Variants in STMN2 observed in about 807,000 individuals in gnomAD.
STMN2 encodes the protein stathmin 2.
In STMN2, 2 loss-of-function variants were observed where a neutral mutation model predicts 24.1. The ratio of observed to expected loss-of-function variants is 0.08; its 90% CI spans 0.03 to 0.26. STMN2 has a LOEUF of 0.26. STMN2 is among the 10% of genes least tolerant of loss of function. The pLI, the probability that STMN2 is intolerant of heterozygous loss-of-function variation, is 1.00. For synonymous variants in STMN2, 83 were observed against 77.5 expected, an observed-to-expected ratio of 1.07 and a Z score of -0.37; for missense variants, 114 against 213.6, an observed-to-expected ratio of 0.53 and a Z score of 2.91.
chr8:79,640,559 G>C (rs1810073622), intron 2 of STMN2, among the ~76,000 whole-genome samples: 1 of 152,180 alleles, frequency 6.6e-6, no homozygotes, highest in African/African-American at 2.4e-5. Flanking sequence ...CCTGGCTCCA[G>C]CCGAGTACAC....
chr8:79,614,954 A>T (rs1433023640), intron 1 of STMN2, among the ~76,000 whole-genome samples: 1 of 152,234 alleles, frequency 6.6e-6, no homozygotes. Context: ...CTCAGTGATT[A>T]AAAAATGCTA....
chr8:79,642,808 T>C (rs1481315892), intron 3 of STMN2, among the ~76,000 whole-genome samples: 1 of 151,450 alleles, frequency 6.6e-6, no homozygotes, highest in African/African-American at 2.4e-5. Context: ...CCTCCTATGA[T>C]ATGTAATATG....
intron 3 of STMN2, among the ~76,000 whole-genome samples, chr8:79,646,202 T>C (rs1446709784): frequency 6.6e-6 from 1 of 152,164 alleles, no homozygotes; most frequent in East Asian, 1.9e-4. Context: ...ACTAAGGAAA[T>C]CCTAGTCTGG....
chr8:79,618,433 G>A lies in STMN2; in HGVS notation c.19+7219G>A, dbSNP rs1349754426. 3.9e-5 allele frequency among the ~76,000 whole-genome samples: 6 copies of A among 152,168 alleles called. No individual in the cohort carries two copies. In the East Asian group the frequency reaches 1.2e-3, roughly 29 times the overall value. On this transcript the variant is annotated intron_variant, in intron 1 of 4. Transcript: ENST00000220876. ...CATCATGGTTAGCACATTTCAAAAT[G>A]CCTCCTTAACTACTTCCATAGGCCA...
chr8:79,619,644 G>A (rs1029718403), intron 1 of STMN2, among the ~76,000 whole-genome samples: 2 of 152,024 alleles, frequency 1.3e-5, no homozygotes, highest in Non-Finnish European at 2.9e-5. Context: ...CAGCCTCCCT[G>A]GGAACTCTGC....
At chr8:79,639,256 T>A (rs547727786) in intron 2 of STMN2, among the ~76,000 whole-genome samples, 2 of 152,202 alleles carry the variant, frequency 1.3e-5, no homozygotes, top group Non-Finnish European at 2.9e-5. Context: ...GTGGTAAAGA[T>A]CTAGAAACAG....
At chr8:79,655,313 G>C (rs2130386473) in intron 4 of STMN2, among the ~76,000 whole-genome samples, 1 of 152,230 alleles carries the variant, frequency 6.6e-6, no homozygotes, top group South Asian at 2.1e-4. Context: ...CAGGGAGGCT[G>C]ATTCATGCTT....
intron 4 of STMN2, among the ~76,000 whole-genome samples, chr8:79,658,149 C>T (rs1369844666): frequency 2.0e-5 from 3 of 152,018 alleles, no homozygotes. Flanking sequence ...AATTAGCCAG[C>T]AGTGGTGGCA....
intron 1 of STMN2, among the ~76,000 whole-genome samples, chr8:79,620,623 C>T (rs1809492777): frequency 6.6e-6 from 1 of 152,094 alleles, no homozygotes; most frequent in Non-Finnish European, 1.5e-5. Flanking sequence ...CACAATTTCA[C>T]CATCTTAACA....
At chr8:79,618,468 A>G (rs1809434738) in intron 1 of STMN2, among the ~76,000 whole-genome samples, 1 of 152,236 alleles carries the variant, frequency 6.6e-6, no homozygotes, top group Non-Finnish European at 1.5e-5. Context: ...AGAGATATTT[A>G]GTTTTAACAT....
At position 79,654,919 on chromosome 8, in the gene STMN2, G is replaced by C; in HGVS notation, c.337G>C (p.Glu113Gln). Residue 113 changes from glutamate to glutamine, a missense_variant, in exon 4 of 5, where the codon GAG (glutamate) becomes CAG (glutamine). Transcript: ENST00000220876. ...ACAATTGGCAGAGAAGAGGGAACAC[G>C]AGCGAGAAGTCCTTCAGAAGGCTTT... ...LKQLAEKREH[E>Q]REVLQKALEE... 2 of 1,613,748 alleles carry C rather than the reference G, an allele frequency of 1.2e-6. No individual in the cohort carries two copies. The highest frequency in any genetic ancestry group is 8.5e-7 in the Non-Finnish European group (1 of 1,179,818).
intron 1 of STMN2, chr8:79,631,370 T>C: frequency 1.1e-6 from 1 of 915,254 alleles, no homozygotes; most frequent in South Asian, 5.1e-5. Flanking sequence ...AATGCTTTGG[T>C]TGGTCAAAAT....
rs767390093 is a variant in STMN2, at chr8:79,654,950, A to G, written c.368A>G (p.Glu123Gly). The change falls in exon 4 of 5, where the codon GAG becomes GGG. Residue 123 changes from glutamate (E) to glycine (G), a missense_variant. Glu to Gly is a moderately conservative substitution (Grantham distance 98). Coordinates refer to ENST00000220876, the MANE Select transcript of STMN2 (RefSeq NM_007029.4). ...GAAGTCCTTCAGAAGGCTTTGGAGG[A>G]GAACAACAACTTCAGCAAGATGGCG... ...EREVLQKALE[E>G]NNNFSKMAEE... 3.7e-6 allele frequency: 6 copies of G among 1,614,038 alleles called. No individual in the cohort carries two copies. Among genetic ancestry groups the G allele is most frequent in the Middle Eastern group, 3.3e-4 (2 of 6,062 alleles).
At chr8:79,652,144 G>T (rs529009752) in intron 3 of STMN2, among the ~76,000 whole-genome samples, 2 of 152,170 alleles carry the variant, frequency 1.3e-5, no homozygotes, top group Non-Finnish European at 2.9e-5. Context: ...GAATGTTGAA[G>T]TTTTACTTTG....
intron 1 of STMN2, among the ~76,000 whole-genome samples, chr8:79,629,265 A>C (rs1033664446): frequency 6.6e-6 from 1 of 152,150 alleles, no homozygotes; most frequent in African/African-American, 2.4e-5. Flanking sequence ...ATTTATATAC[A>C]GTATATTTTA....
chr8:79,647,673 A>C (rs747707092), intron 3 of STMN2, among the ~76,000 whole-genome samples: 1 of 152,232 alleles, frequency 6.6e-6, no homozygotes, highest in Non-Finnish European at 1.5e-5. Flanking sequence ...TTAGTGCTCC[A>C]GTGATTAGAT....
intron 3 of STMN2, among the ~76,000 whole-genome samples, chr8:79,643,988 T>G (rs551625960): frequency 6.6e-6 from 1 of 151,820 alleles, no homozygotes; most frequent in East Asian, 1.9e-4. Context: ...AATGGTAGAG[T>G]TTTAATTAAA....
chr8:79,629,396 C>T (rs1199594414), intron 1 of STMN2, among the ~76,000 whole-genome samples: 3 of 152,140 alleles, frequency 2.0e-5, no homozygotes, highest in Non-Finnish European at 2.9e-5. Flanking sequence ...GGAGGAAACT[C>T]TTAACTAACT....
chr8:79,648,922 C>T (rs72675024), intron 3 of STMN2, among the ~76,000 whole-genome samples: 8 of 152,188 alleles, frequency 5.3e-5, no homozygotes, highest in Non-Finnish European at 1.0e-4. Flanking sequence ...GATAAAATCT[C>T]ACCCTAAAAG....
Sources: allele counts gnomAD v4.1 joint callset (sites outside exome capture counted in the v4.1 genomes callset), GRCh38; gene constraint gnomAD v4.1.1; transcripts MANE v1.5; gene names NCBI Gene and HGNC (gene_info 2026-07-23, HGNC 2026-07-21).